The following RBMS1 variants were observed in gnomAD, a reference collection of about 807,000 sequenced individuals.
RBMS1 encodes RNA binding motif single stranded interacting protein 1.
A neutral mutation model predicts 62.3 loss-of-function variants in RBMS1; 17 were observed. The observed-to-expected ratio is 0.27, with a 90% CI of 0.19 to 0.41. The LOEUF (loss-of-function observed/expected upper bound fraction) is 0.41, where lower values mean the gene tolerates loss of function less well. Among genes scored for constraint, RBMS1 ranks in the 10% least tolerant of loss-of-function variants. The probability of loss-of-function intolerance (pLI) is 1.00; values close to 1 mark genes in which losing one functional copy is unlikely to be tolerated. For missense variants in RBMS1, 334 were observed against 504.5 expected (o/e 0.66, Z 3.24); for synonymous variants, 172 against 170.0 (o/e 1.01, Z -0.09).
intron 1 of RBMS1, among the ~76,000 whole-genome samples, chr2:160,372,057 G>A (rs1009581272): frequency 9.2e-5 from 14 of 152,242 alleles, no homozygotes; most frequent in African/African-American, 3.4e-4. Flanking sequence ...AGATTTCTAT[G>A]CAGCAAAGAT....
chr2:160,318,637 T>C (rs1690370424), intron 2 of RBMS1, among the ~76,000 whole-genome samples: 1 of 152,258 alleles, frequency 6.6e-6, no homozygotes, highest in South Asian at 2.1e-4. Context: ...ATACAGCTTT[T>C]ATGAAATAGT....
intron 6 of RBMS1, among the ~76,000 whole-genome samples, chr2:160,298,524 A>G (rs1179723087): frequency 6.6e-6 from 1 of 152,180 alleles, no homozygotes; most frequent in African/African-American, 2.4e-5. Flanking sequence ...AAGCAGATAG[A>G]AGAAATAAGT....
At chr2:160,385,668 G>A (rs1694531150) in intron 1 of RBMS1, among the ~76,000 whole-genome samples, 1 of 152,230 alleles carries the variant, frequency 6.6e-6, no homozygotes, top group South Asian at 2.1e-4. Context: ...ACTGAGAAGA[G>A]CATCAGGAAG....
intron 1 of RBMS1, chr2:160,407,409 C>A (rs954269399): frequency 3.0e-6 from 3 of 985,788 alleles, no homozygotes; most frequent in African/African-American, 1.7e-5. Context: ...AGCGCGGCCC[C>A]CTTTGTAACG....
intron 4 of RBMS1, among the ~76,000 whole-genome samples, chr2:160,307,382 A>AAAG (rs1247785834): frequency 1.8e-4 from 27 of 150,224 alleles, no homozygotes; most frequent in Non-Finnish European, 3.0e-4. Flanking sequence ...AAAAAAAAAA[A>AAAG]GTGTAAACTT....
At chr2:160,418,434 A>G (rs1009169770) in intron 1 of RBMS1, among the ~76,000 whole-genome samples, 1 of 152,228 alleles carries the variant, frequency 6.6e-6, no homozygotes, top group Non-Finnish European at 1.5e-5. Context: ...AAAAAGACAT[A>G]TATCTGAAAT....
intron 1 of RBMS1, among the ~76,000 whole-genome samples, chr2:160,405,522 C>A (rs1461750990): frequency 6.6e-6 from 1 of 152,190 alleles, no homozygotes; most frequent in African/African-American, 2.4e-5. Flanking sequence ...TGTGCTTTCC[C>A]AGTGAATGGC....
intron 1 of RBMS1, among the ~76,000 whole-genome samples, chr2:160,405,973 G>T (rs988002166): frequency 1.3e-5 from 2 of 152,234 alleles, no homozygotes; most frequent in Admixed American, 1.3e-4. Context: ...TGAAGTTGAT[G>T]TAAGTGTACT....
chr2:160,408,332 G>A (rs1695880503), intron 1 of RBMS1, among the ~76,000 whole-genome samples: 2 of 151,960 alleles, frequency 1.3e-5, no homozygotes, highest in Non-Finnish European at 2.9e-5. Flanking sequence ...TTCAAGAAAA[G>A]GTGTGGACAA....
chr2:160,363,501 A>C (rs1693239767), intron 2 of RBMS1, among the ~76,000 whole-genome samples: 1 of 152,102 alleles, frequency 6.6e-6, no homozygotes, highest in African/African-American at 2.4e-5. Flanking sequence ...GTAGAGGAGC[A>C]AATGGTTCTC....
intron 13 of RBMS1, 104 bp from the exon 14 acceptor site, chr2:160,274,868 AG>A (rs760784062): frequency 2.6e-5 from 4 of 152,636 alleles, no homozygotes; most frequent in Non-Finnish European, 5.9e-5. Flanking sequence ...TGTTTGAAAA[AG>A]GTTATGCTCA....
At chr2:160,439,648 G>A (rs1337264875) in intron 1 of RBMS1, among the ~76,000 whole-genome samples, 5 of 152,298 alleles carry the variant, frequency 3.3e-5, no homozygotes, top group African/African-American at 1.2e-4. Flanking sequence ...CTTCCCGGAC[G>A]GGGTGGCGGC....
chr2:160,396,548 ATCTTTTT>A (rs1695150308), intron 1 of RBMS1, among the ~76,000 whole-genome samples: 1 of 74,858 alleles, frequency 1.3e-5, no homozygotes. Context: ...TTTTCTTTTT[ATCTTTTT>A]TTTTTTTTTT....
At chr2:160,457,595 T>C (rs1332793559) in intron 1 of RBMS1, among the ~76,000 whole-genome samples, 2 of 152,206 alleles carry the variant, frequency 1.3e-5, no homozygotes, top group Non-Finnish European at 1.5e-5. Flanking sequence ...AGCTACAATT[T>C]GCTTTATGTA....
chr2:160,307,596 G>T (rs759843008), intron 4 of RBMS1, among the ~76,000 whole-genome samples: 1 of 152,210 alleles, frequency 6.6e-6, no homozygotes, highest in South Asian at 2.1e-4. Context: ...TGTAACATTT[G>T]CCTAGTTTAA....
chr2:160,443,099 G>C (rs1227568313), intron 1 of RBMS1, among the ~76,000 whole-genome samples: 1 of 151,880 alleles, frequency 6.6e-6, no homozygotes, highest in Non-Finnish European at 1.5e-5. Context: ...CCAACTACTT[G>C]GGAGGCTGAG....
intron 1 of RBMS1, among the ~76,000 whole-genome samples, chr2:160,470,218 AAAC>A (rs1426778450): frequency 3.3e-5 from 5 of 152,190 alleles, no homozygotes; most frequent in South Asian, 2.1e-4. Flanking sequence ...TGTCAGTAGA[AAAC>A]AACAACATTA....
intron 1 of RBMS1, among the ~76,000 whole-genome samples, chr2:160,461,744 T>A (rs1031665881): frequency 6.6e-6 from 1 of 152,226 alleles, no homozygotes; most frequent in African/African-American, 2.4e-5. Flanking sequence ...ACACAAGTAT[T>A]TGCCTACAGC....
intron 1 of RBMS1, among the ~76,000 whole-genome samples, chr2:160,482,922 AT>A (rs1559607308): frequency 6.6e-6 from 1 of 152,210 alleles, no homozygotes; most frequent in Non-Finnish European, 1.5e-5. Flanking sequence ...GTCAAATCAA[AT>A]TTTGAAGGCT....
Sources: gnomAD v4.1 joint callset for allele counts (sites outside exome capture counted in the v4.1 genomes callset) on GRCh38, gnomAD v4.1.1 for gene constraint, MANE v1.5 for transcripts, NCBI Gene and HGNC (gene_info 2026-07-23, HGNC 2026-07-21) for gene names.